Variants in CNTNAP5 observed in about 807,000 individuals in gnomAD.
The protein encoded by CNTNAP5 is contactin associated protein family member 5.
Under a neutral mutation model 150.2 loss-of-function variants are expected in CNTNAP5, and 72 were observed. The observed-to-expected ratio is 0.48, with a 90% CI of 0.40 to 0.58. CNTNAP5 has a LOEUF of 0.58. Ranked by LOEUF, CNTNAP5 falls within the 20% of genes least tolerant of loss-of-function variation. The pLI is 0.00. For missense variants in CNTNAP5, 1,636 were observed against 1,626.2 expected (o/e 1.01, Z -0.10); for synonymous variants, 672 against 619.8 (o/e 1.08, Z -1.25).
At chr2:124,257,403 C>A (rs1687339869) in intron 3 of CNTNAP5, among the ~76,000 whole-genome samples, 1 of 152,218 alleles carries the variant, frequency 6.6e-6, no homozygotes, top group Non-Finnish European at 1.5e-5. Context: ...AATGCCACTG[C>A]TGGTTCAATA....
intron 2 of CNTNAP5, among the ~76,000 whole-genome samples, chr2:124,226,545 G>A (rs1686464372): frequency 1.3e-5 from 2 of 152,054 alleles, no homozygotes; most frequent in Non-Finnish European, 2.9e-5. Flanking sequence ...TCTCCAATTT[G>A]ATAGTTTGCC....
rs554172987 is a variant in CNTNAP5 at position 124,807,569 on chromosome 2, C to T, written c.3217+9249C>T. Among the ~76,000 whole-genome samples, 7 of 152,238 alleles carry T rather than the reference C, an allele frequency of 4.6e-5. No homozygotes were observed. In the South Asian group the frequency reaches 1.0e-3, roughly 23 times the overall value. On this transcript the variant is annotated intron_variant, in intron 19 of 23. Transcript: ENST00000682447. ...TATTTTACAGACAAGGAAATTTTGG[C>T]CTAGAAAGGTTAAATGACTTGTCCA...
chr2:124,294,522 A>G (rs1688373726), intron 3 of CNTNAP5, among the ~76,000 whole-genome samples: 1 of 152,176 alleles, frequency 6.6e-6, no homozygotes, highest in East Asian at 1.9e-4. Flanking sequence ...GACAAGTGCA[A>G]AAGCCCTGGG....
intron 10 of CNTNAP5, among the ~76,000 whole-genome samples, chr2:124,562,395 C>T (rs925705501): frequency 7.2e-5 from 11 of 151,970 alleles, no homozygotes; most frequent in African/African-American, 2.4e-4. Flanking sequence ...TATGATAGTC[C>T]ATTAATTTTA....
At chr2:124,715,693 T>C (rs1280807800) in intron 13 of CNTNAP5, among the ~76,000 whole-genome samples, 7 of 152,116 alleles carry the variant, frequency 4.6e-5, no homozygotes, top group Non-Finnish European at 8.8e-5. Flanking sequence ...GATGAGAACT[T>C]AGTCACACGG....
chr2:124,313,908 T>C (rs903974055), intron 3 of CNTNAP5, among the ~76,000 whole-genome samples: 2 of 152,206 alleles, frequency 1.3e-5, no homozygotes, highest in Admixed American at 1.3e-4. Flanking sequence ...CAGATGAACT[T>C]ACTACTTTTC....
chr2:124,512,891 G>A (rs543400581), intron 8 of CNTNAP5, among the ~76,000 whole-genome samples: 1 of 152,244 alleles, frequency 6.6e-6, no homozygotes, highest in South Asian at 2.1e-4. Flanking sequence ...ATTGAGCATT[G>A]ACTACATTTA....
chr2:124,490,630 C>T (rs34019644), intron 7 of CNTNAP5, among the ~76,000 whole-genome samples: 57,063 of 151,674 alleles, frequency 0.38, 11,141 homozygotes, highest in South Asian at 0.57. Context: ...TTTGTGTCAT[C>T]CAATATGGTA....
chr2:124,553,259 T>C (rs571548547), intron 10 of CNTNAP5, among the ~76,000 whole-genome samples: 2 of 152,250 alleles, frequency 1.3e-5, no homozygotes, highest in East Asian at 3.9e-4. Context: ...ATCCCAGTAC[T>C]TTGGGAGGCC....
At chr2:124,110,042 TC>T (rs1683259455) in intron 1 of CNTNAP5, among the ~76,000 whole-genome samples, 1 of 152,218 alleles carries the variant, frequency 6.6e-6, no homozygotes, top group African/African-American at 2.4e-5. Flanking sequence ...ACACATGTGT[TC>T]AGTCCTACTT....
intron 19 of CNTNAP5, among the ~76,000 whole-genome samples, chr2:124,828,684 A>G (rs1248555107): frequency 2.1e-5 from 3 of 141,898 alleles, no homozygotes; most frequent in Non-Finnish European, 4.5e-5. Context: ...TTGCTTAACA[A>G]ATGTTTACCA....
intron 1 of CNTNAP5, among the ~76,000 whole-genome samples, chr2:124,097,813 G>A (rs545524433): frequency 1.3e-5 from 2 of 152,278 alleles, no homozygotes; most frequent in Admixed American, 1.3e-4. Flanking sequence ...AGGATCACGA[G>A]GTCAGGAGAT....
At chr2:124,058,025 T>C (rs1282515581) in intron 1 of CNTNAP5, among the ~76,000 whole-genome samples, 3 of 152,158 alleles carry the variant, frequency 2.0e-5, no homozygotes, top group African/African-American at 4.8e-5. Context: ...TTAATAAGCA[T>C]AGCTAACTCT....
At chr2:124,336,176 T>G (rs1213291134) in intron 3 of CNTNAP5, among the ~76,000 whole-genome samples, 1 of 152,060 alleles carries the variant, frequency 6.6e-6, no homozygotes, top group African/African-American at 2.4e-5. Context: ...GTACAGATAA[T>G]AGCTTGGACC....
intron 13 of CNTNAP5, among the ~76,000 whole-genome samples, chr2:124,650,336 G>C (rs1333738111): frequency 1.3e-5 from 2 of 152,152 alleles, no homozygotes; most frequent in African/African-American, 4.8e-5. Context: ...CAGTCCCGTA[G>C]AGGTGTGATT....
At chr2:124,814,550 T>C (rs1259602930) in intron 19 of CNTNAP5, among the ~76,000 whole-genome samples, 1 of 152,134 alleles carries the variant, frequency 6.6e-6, no homozygotes, top group Non-Finnish European at 1.5e-5. Flanking sequence ...GTGAAATTGC[T>C]TAAGAGCTTC....
intron 11 of CNTNAP5, among the ~76,000 whole-genome samples, chr2:124,568,422 A>G (rs55687110): frequency 1.5e-3 from 236 of 152,322 alleles, no homozygotes; most frequent in Non-Finnish European, 2.8e-3. Flanking sequence ...GCCTGGCTCA[A>G]AAAAAGAAAA....
At chr2:124,599,497 C>T (rs1696930110) in intron 11 of CNTNAP5, among the ~76,000 whole-genome samples, 1 of 152,130 alleles carries the variant, frequency 6.6e-6, no homozygotes, top group African/African-American at 2.4e-5. Flanking sequence ...GATTGATATT[C>T]ATGAGTGATT....
At chr2:124,632,350 A>G (rs548305445) in intron 12 of CNTNAP5, among the ~76,000 whole-genome samples, 14 of 152,346 alleles carry the variant, frequency 9.2e-5, no homozygotes, top group African/African-American at 3.1e-4. Context: ...TGGTACATAA[A>G]CAGCACAGAA....
Sources: gnomAD v4.1 joint callset for allele counts (sites outside exome capture counted in the v4.1 genomes callset) on GRCh38, gnomAD v4.1.1 for gene constraint, MANE v1.5 for transcripts, NCBI Gene and HGNC (gene_info 2026-07-23, HGNC 2026-07-21) for gene names.